Variants in NRXN3 observed in about 807,000 individuals in gnomAD.
The protein encoded by NRXN3 is neurexin 3.
In NRXN3, 32 loss-of-function variants were observed where a neutral mutation model predicts 137.6. The observed-to-expected ratio is 0.23, with a 90% CI of 0.18 to 0.31. The LOEUF (loss-of-function observed/expected upper bound fraction) is 0.31, where lower values mean the gene tolerates loss of function less well. Ranked by LOEUF, NRXN3 falls within the 10% of genes least tolerant of loss-of-function variation. The probability of loss-of-function intolerance (pLI) is 1.00; values close to 1 mark genes in which losing one functional copy is unlikely to be tolerated. For missense variants in NRXN3, 1,574 were observed against 2,062.5 expected (o/e 0.76, Z 4.59); for synonymous variants, 798 against 784.5 (o/e 1.02, Z -0.29).
intron 15 of NRXN3, among the ~76,000 whole-genome samples, chr14:79,082,971 A>G (rs2047358488): frequency 6.6e-6 from 1 of 152,178 alleles, no homozygotes; most frequent in African/African-American, 2.4e-5. Flanking sequence ...ACACTACACC[A>G]TTGCCATTTG....
intron 15 of NRXN3, among the ~76,000 whole-genome samples, chr14:79,170,439 A>G (rs1261603886): frequency 1.3e-5 from 2 of 152,148 alleles, no homozygotes; most frequent in East Asian, 3.9e-4. Flanking sequence ...TGCTATCCAC[A>G]GTAGGTGCTA....
intron 4 of NRXN3, among the ~76,000 whole-genome samples, chr14:78,505,316 G>A (rs1410943354): frequency 6.6e-6 from 1 of 152,152 alleles, no homozygotes; most frequent in Non-Finnish European, 1.5e-5. Context: ...TTTTAGCTGG[G>A]CCAAAGAATG....
intron 4 of NRXN3, among the ~76,000 whole-genome samples, chr14:78,337,258 A>G (rs35256096): frequency 0.036 from 5,465 of 152,160 alleles, 147 homozygotes; most frequent in Admixed American, 0.067. Context: ...GACTGTACAG[A>G]GGGAATTACA....
At chr14:78,276,303 G>A (rs1164434429) in intron 2 of NRXN3, among the ~76,000 whole-genome samples, 1 of 152,174 alleles carries the variant, frequency 6.6e-6, no homozygotes, top group East Asian at 1.9e-4. Context: ...ACTGAGGAAT[G>A]GGGTGGGAAA....
chr14:79,741,516 G>T lies in NRXN3; in HGVS notation c.4014+43579G>T, dbSNP rs150456023. Among the ~76,000 whole-genome samples the T allele has an allele frequency of 1.3e-3, 202 of 151,704 alleles. 1 individual carries two copies. Among genetic ancestry groups the T allele is most frequent in the Non-Finnish European group, 3.7e-4 (25 of 67,870 alleles). On this transcript the variant is annotated intron_variant, in intron 19 of 20. Transcript: ENST00000335750. ...TTGTTGTTGTTTTTGAGACAGTCTT[G>T]CTCTGTCACCCAGGCTGGAGTGCAG...
chr14:78,889,023 G>A (rs2099151742), intron 10 of NRXN3, among the ~76,000 whole-genome samples: 1 of 151,944 alleles, frequency 6.6e-6, no homozygotes, highest in Non-Finnish European at 1.5e-5. Flanking sequence ...TATTGATTAT[G>A]TCAGATGGAA....
intron 8 of NRXN3, among the ~76,000 whole-genome samples, chr14:78,802,057 T>C (rs1483512277): frequency 6.6e-6 from 1 of 152,248 alleles, no homozygotes; most frequent in African/African-American, 2.4e-5. Context: ...AAAGACCTAC[T>C]CAGTGACAGA....
At chr14:79,516,738 A>G (rs990584092) in intron 16 of NRXN3, among the ~76,000 whole-genome samples, 1 of 152,184 alleles carries the variant, frequency 6.6e-6, no homozygotes, top group African/African-American at 2.4e-5. Context: ...AGTCCCACCT[A>G]CTAAACAAAT....
chr14:78,358,588 G>A (rs1302030735), intron 4 of NRXN3, among the ~76,000 whole-genome samples: 3 of 152,150 alleles, frequency 2.0e-5, no homozygotes, highest in Non-Finnish European at 4.4e-5. Context: ...CATTTTTCCT[G>A]TCTTTACTAC....
At chr14:79,396,124 A>T (rs916681928) in intron 15 of NRXN3, among the ~76,000 whole-genome samples, 2 of 152,164 alleles carry the variant, frequency 1.3e-5, no homozygotes, top group African/African-American at 4.8e-5. Flanking sequence ...TATTTTTCCT[A>T]TATAATCCAT....
At chr14:78,521,733 A>G (rs1321022233) in intron 4 of NRXN3, among the ~76,000 whole-genome samples, 1 of 152,204 alleles carries the variant, frequency 6.6e-6, no homozygotes, top group Non-Finnish European at 1.5e-5. Flanking sequence ...ACAATGATAT[A>G]TAACTGGATA....
At chr14:79,546,631 G>A (rs775534656) in intron 16 of NRXN3, among the ~76,000 whole-genome samples, 4 of 152,156 alleles carry the variant, frequency 2.6e-5, no homozygotes, top group Non-Finnish European at 5.9e-5. Flanking sequence ...AAGACTCAGA[G>A]TTACTCAGAA....
chr14:78,754,102 G>A (rs2098656299), intron 8 of NRXN3, among the ~76,000 whole-genome samples: 1 of 152,194 alleles, frequency 6.6e-6, no homozygotes. Context: ...TGTTTGATTG[G>A]TTAAAATGGA....
intron 16 of NRXN3, among the ~76,000 whole-genome samples, chr14:79,523,467 G>C (rs1439389458): frequency 6.6e-6 from 1 of 151,746 alleles, no homozygotes; most frequent in African/African-American, 2.4e-5. Flanking sequence ...TGAAAATGTA[G>C]TGATGGAAAA....
rs375753717 is a variant in NRXN3, at chr14:79,770,749, C to G, written c.4015-34363C>G. On this transcript the variant is annotated intron_variant, in intron 19 of 20. Transcript: ENST00000335750. Reference sequence around the variant, plus strand: ...CAAGAGCAAACACATTCAAAAGCTACCAGAAGGCAAGAAATAACTAAAATC... The same window carrying G: ...CAAGAGCAAACACATTCAAAAGCTAGCAGAAGGCAAGAAATAACTAAAATC... Among the ~76,000 whole-genome samples the G allele has an allele frequency of 8.6e-3, 1,289 of 149,780 alleles. 15 individuals are homozygous for G. Among genetic ancestry groups the G allele is most frequent in the African/African-American group, 0.028 (1,157 of 40,646 alleles).
At chr14:79,002,984 T>C (rs1388889887) in intron 15 of NRXN3, among the ~76,000 whole-genome samples, 1 of 152,182 alleles carries the variant, frequency 6.6e-6, no homozygotes, top group Non-Finnish European at 1.5e-5. Context: ...TTGTTTATTT[T>C]AGAATTGGGG....
chr14:78,975,624 G>A (rs1399036571), intron 14 of NRXN3, among the ~76,000 whole-genome samples: 2 of 152,150 alleles, frequency 1.3e-5, no homozygotes, highest in Non-Finnish European at 2.9e-5. Flanking sequence ...GAAACAGAGA[G>A]CAGATTCAGG....
intron 16 of NRXN3, among the ~76,000 whole-genome samples, chr14:79,471,670 A>T (rs570523737): frequency 6.6e-6 from 1 of 152,168 alleles, no homozygotes; most frequent in Non-Finnish European, 1.5e-5. Context: ...GAAAGGAAGA[A>T]AAGTGGCCAT....
At chr14:78,183,436 G>T (rs1315735068) in intron 1 of NRXN3, among the ~76,000 whole-genome samples, 2 of 152,172 alleles carry the variant, frequency 1.3e-5, no homozygotes, top group Non-Finnish European at 2.9e-5. Flanking sequence ...TGTGAGTGTA[G>T]GTAGGAAGAA....
Sources: allele counts gnomAD v4.1 joint callset (sites outside exome capture counted in the v4.1 genomes callset), GRCh38; gene constraint gnomAD v4.1.1; transcripts MANE v1.5; gene names NCBI Gene and HGNC (gene_info 2026-07-23, HGNC 2026-07-21).